SSPN: variants seen among roughly 807,000 people sequenced by gnomAD.
SSPN encodes K-ras oncogene-associated protein.
A neutral mutation model predicts 19.1 loss-of-function variants in SSPN; 15 were observed. The ratio of observed to expected loss-of-function variants is 0.78; its 90% confidence interval spans 0.52 to 1.21. SSPN has a LOEUF of 1.21. Among genes scored for constraint, SSPN ranks in the 50% most tolerant of loss-of-function variants. The pLI, the probability that SSPN is intolerant of heterozygous loss-of-function variation, is 0.00. For synonymous variants in SSPN, 147 were observed against 140.3 expected (o/e 1.05, Z -0.34); for missense variants, 291 against 314.0 (o/e 0.93, Z 0.55).
At chr12:26,214,618 T>C (rs1945026921) in intron 1 of SSPN, 1 of 152,230 alleles carries the variant, frequency 6.6e-6, no homozygotes, top group Non-Finnish European at 1.5e-5. Context: ...TCCTTAATTA[T>C]GTGTATAGTT....
intron 1 of SSPN, among the ~76,000 whole-genome samples, chr12:26,181,774 G>T (rs1030991457): frequency 2.0e-5 from 3 of 152,184 alleles, no homozygotes; most frequent in African/African-American, 7.2e-5. Flanking sequence ...TAGAACACCT[G>T]TGAGTGGAGG....
intron 1 of SSPN, among the ~76,000 whole-genome samples, chr12:26,172,207 C>T (rs1455189722): frequency 6.6e-6 from 1 of 152,138 alleles, no homozygotes; most frequent in Non-Finnish European, 1.5e-5. Flanking sequence ...ATAGATTCTG[C>T]TTATTCAGCG....
Position 26,232,409 on chromosome 12 carries a change from T to C in SSPN, c.*1333T>C. ...TATTAAATTCTGAACTGTATCCATATTTTAAGGAAGGAGCTAAAAATGGAA... is the reference window on the plus strand; with the variant it reads ...TATTAAATTCTGAACTGTATCCATACTTTAAGGAAGGAGCTAAAAATGGAA... On this transcript the variant is annotated 3_prime_UTR_variant, in exon 3 of 3. Coordinates refer to ENST00000242729, the MANE Select transcript of SSPN (RefSeq NM_005086.5). 1 of 985,436 alleles carries C rather than the reference T, an allele frequency of 1.0e-6. No homozygotes were observed. Among genetic ancestry groups the C allele is most frequent in the Non-Finnish European group, 1.2e-6 (1 of 829,914 alleles). The allele number at this position is 985,436 out of a possible 1,614,324, so 61.0% of individuals were successfully genotyped here.
chr12:26,219,071 C>T (rs943001969), intron 1 of SSPN, among the ~76,000 whole-genome samples: 4 of 151,972 alleles, frequency 2.6e-5, no homozygotes, highest in African/African-American at 7.3e-5. Context: ...TGCAGGTACA[C>T]GATGAAACGG....
upstream of SSPN, among the ~76,000 whole-genome samples, chr12:26,191,872 C>CATTT (rs1289963934): frequency 6.6e-6 from 1 of 152,128 alleles, no homozygotes; most frequent in Non-Finnish European, 1.5e-5. Context: ...TCTAATTGAA[C>CATTT]ATTTCAGATA....
At chr12:26,224,164 A>G (rs1429750542) in intron 1 of SSPN, 129 bp from the exon 2 acceptor site, 3 of 681,656 alleles carry the variant, frequency 4.4e-6, no homozygotes, top group African/African-American at 3.6e-5. Flanking sequence ...AACACAGTAC[A>G]TAAAGATAAG....
chr12:26,160,919 C>A (rs1193769312), intron 1 of SSPN, among the ~76,000 whole-genome samples: 1 of 151,898 alleles, frequency 6.6e-6, no homozygotes, highest in Non-Finnish European at 1.5e-5. Flanking sequence ...ACCAGCCTGG[C>A]CAGCATGGTG....
intron 1 of SSPN, among the ~76,000 whole-genome samples, chr12:26,202,092 A>T (rs973354592): frequency 5.9e-5 from 9 of 152,174 alleles, no homozygotes; most frequent in African/African-American, 2.2e-4. Flanking sequence ...TCATTTCTAG[A>T]TTACTTATAA....
chr12:26,137,670 T>A (rs1212604691), intron 1 of SSPN, among the ~76,000 whole-genome samples: 1,069 of 102,722 alleles, frequency 0.01, 20 homozygotes, highest in Middle Eastern at 0.024. Flanking sequence ...TTTTTTTTTT[T>A]TTTTTTTTTT....
At chr12:26,154,999 T>G (rs1410520948) in intron 1 of SSPN, among the ~76,000 whole-genome samples, 1 of 152,138 alleles carries the variant, frequency 6.6e-6, no homozygotes, top group Non-Finnish European at 1.5e-5. Flanking sequence ...ATTTTTATAA[T>G]GGGAAACTGT....
chr12:26,124,253 G>A, intron 1 of SSPN: 1 of 785,906 alleles, frequency 1.3e-6, no homozygotes. Context: ...ACCCTCGTCT[G>A]CCCCCCCCGC....
chr12:26,165,363 A>C (rs1474245075), intron 1 of SSPN, among the ~76,000 whole-genome samples: 1 of 152,216 alleles, frequency 6.6e-6, no homozygotes, highest in Non-Finnish European at 1.5e-5. Context: ...CCAGATTTTA[A>C]GATTGCTAGC....
At chr12:26,184,356 T>C (rs983972698) in intron 1 of SSPN, among the ~76,000 whole-genome samples, 1 of 152,206 alleles carries the variant, frequency 6.6e-6, no homozygotes, top group Non-Finnish European at 1.5e-5. Context: ...GCCTTATAAA[T>C]GAATGAAAAC....
At chr12:26,223,053 A>G (rs1945139382) in intron 1 of SSPN, among the ~76,000 whole-genome samples, 1 of 152,136 alleles carries the variant, frequency 6.6e-6, no homozygotes, top group African/African-American at 2.4e-5. Flanking sequence ...TAATACCCTG[A>G]TGTTCTCACT....
At chr12:26,224,165 T>C (rs930911832) in intron 1 of SSPN, 128 bp from the exon 2 acceptor site, 26 of 681,676 alleles carry the variant, frequency 3.8e-5, no homozygotes, top group Admixed American at 2.9e-4. Flanking sequence ...ACACAGTACA[T>C]AAAGATAAGT....
chr12:26,140,262 C>T (rs1373122809), intron 1 of SSPN, among the ~76,000 whole-genome samples: 4 of 152,224 alleles, frequency 2.6e-5, no homozygotes, highest in Admixed American at 2.0e-4. Flanking sequence ...CTCCAGTCTT[C>T]ATCATTCTCA....
rs149834431 is a variant in SSPN at position 26,230,851 on chromosome 12, G to C, written c.507G>C (p.Ser169=). 4.3e-6 allele frequency: 7 copies of C among 1,614,108 alleles called. No homozygotes were observed. The South Asian group carries it at 7.7e-5, about 18-fold the overall frequency. ...CTTGCCAGTGCAAACTGCCCTCCTC[G>C]GAGCCGCTCAGCAGGACCTTTGTTT... ...LDSCQCKLPS[S]EPLSRTFVYR... is the part of the protein sequence containing the mutation. Residue 169 remains serine (S), a synonymous_variant, in exon 3 of 3, where the codon TCG becomes TCC. Coordinates refer to ENST00000242729, the MANE Select transcript of SSPN (RefSeq NM_005086.5).
intron 1 of SSPN, among the ~76,000 whole-genome samples, chr12:26,166,538 C>T (rs1944622357): frequency 6.6e-6 from 1 of 152,168 alleles, no homozygotes; most frequent in Non-Finnish European, 1.5e-5. Context: ...AGACATCTGC[C>T]CTGTTGCCTA....
intron 1 of SSPN, among the ~76,000 whole-genome samples, chr12:26,198,280 C>T (rs1220472042): frequency 6.6e-6 from 1 of 152,216 alleles, no homozygotes; most frequent in Non-Finnish European, 1.5e-5. Flanking sequence ...TCTCGTGCCT[C>T]AGCCTCCTAA....
Sources: gnomAD v4.1 joint callset for allele counts (sites outside exome capture counted in the v4.1 genomes callset) on GRCh38, gnomAD v4.1.1 for gene constraint, MANE v1.5 for transcripts, NCBI Gene and HGNC (gene_info 2026-07-23, HGNC 2026-07-21) for gene names.